The following CSMD1 variants were observed in gnomAD, a reference collection of about 807,000 sequenced individuals.
The protein encoded by CSMD1 is CUB and Sushi multiple domains 1, also known as CUB and sushi domain-containing protein 1.
A neutral mutation model predicts 417.5 loss-of-function variants in CSMD1; 213 were observed. The observed-to-expected ratio is 0.51, with a 90% CI of 0.46 to 0.57. The LOEUF is 0.57. CSMD1 is among the 20% of genes least tolerant of loss of function. The pLI is 0.00. For missense variants in CSMD1, 6,923 were observed against 4,529.7 expected (o/e 1.53, Z -15.17); for synonymous variants, 2,862 against 1,736.8 (o/e 1.65, Z -16.11).
intron 1 of CSMD1, among the ~76,000 whole-genome samples, chr8:4,743,429 C>A (rs1307474107): frequency 1.3e-5 from 2 of 152,050 alleles, no homozygotes; most frequent in East Asian, 3.9e-4. Context: ...AAAAAATGAA[C>A]GTGTGTCAAG....
intron 10 of CSMD1, among the ~76,000 whole-genome samples, chr8:3,496,664 A>G (rs1191194459): frequency 3.9e-5 from 6 of 152,072 alleles, no homozygotes; most frequent in African/African-American, 1.4e-4. Flanking sequence ...TGTCTCCACT[A>G]AAAATACAAA....
At chr8:3,330,560 A>G (rs1361696288) in intron 23 of CSMD1, among the ~76,000 whole-genome samples, 2 of 152,186 alleles carry the variant, frequency 1.3e-5, no homozygotes, top group African/African-American at 4.8e-5. Context: ...ACTCATGAAC[A>G]CAAAGAAGGG....
intron 1 of CSMD1, among the ~76,000 whole-genome samples, chr8:4,730,700 C>A (rs1314997234): frequency 6.6e-6 from 1 of 151,744 alleles, no homozygotes; most frequent in African/African-American, 2.4e-5. Context: ...GAGATCGTGC[C>A]ACTGCACTCC....
At chr8:3,896,031 G>A (rs899761710) in intron 5 of CSMD1, among the ~76,000 whole-genome samples, 1 of 152,184 alleles carries the variant, frequency 6.6e-6, no homozygotes, top group African/African-American at 2.4e-5. Flanking sequence ...AAAAAGAAAG[G>A]AAGAAATGAC....
At chr8:3,550,976 A>AAC (rs146913707) in intron 10 of CSMD1, among the ~76,000 whole-genome samples, 7,592 of 152,210 alleles carry the variant, frequency 0.05, 367 homozygotes, top group African/African-American at 0.12. Context: ...ACTTGAAGTG[A>AAC]ACAGTCAGAC....
intron 5 of CSMD1, among the ~76,000 whole-genome samples, chr8:3,977,065 T>G (rs886814285): frequency 1.3e-5 from 2 of 152,158 alleles, no homozygotes; most frequent in Non-Finnish European, 2.9e-5. Flanking sequence ...TTGAATTTCT[T>G]TTTCCATTTA....
At chr8:3,354,279 T>G (rs1243360479) in intron 21 of CSMD1, among the ~76,000 whole-genome samples, 1 of 152,202 alleles carries the variant, frequency 6.6e-6, no homozygotes, top group Non-Finnish European at 1.5e-5. Context: ...TTAACAGAGA[T>G]GTTTCTTAAC....
At chr8:3,590,182 ATATT>A (rs903375458) in intron 8 of CSMD1, among the ~76,000 whole-genome samples, 2 of 152,312 alleles carry the variant, frequency 1.3e-5, no homozygotes, top group African/African-American at 4.8e-5. Context: ...TGATCTATCT[ATATT>A]TATATCTAAA....
intron 5 of CSMD1, among the ~76,000 whole-genome samples, chr8:3,861,243 G>A (rs116389483): frequency 0.037 from 5,648 of 152,176 alleles, 105 homozygotes; most frequent in Middle Eastern, 0.068. Context: ...GGTTTCTAAC[G>A]GAGACCAACG....
At chr8:4,057,463 T>C (rs1442579826) in intron 3 of CSMD1, among the ~76,000 whole-genome samples, 3 of 152,172 alleles carry the variant, frequency 2.0e-5, no homozygotes, top group Non-Finnish European at 4.4e-5. Context: ...GTTGTGAAAA[T>C]TTTCACCCAT....
chr8:3,348,372 C>G (rs1300010599), intron 21 of CSMD1, among the ~76,000 whole-genome samples: 1 of 152,052 alleles, frequency 6.6e-6, no homozygotes, highest in Non-Finnish European at 1.5e-5. Context: ...TGAAAATTGT[C>G]TTATTAACAG....
intron 11 of CSMD1, among the ~76,000 whole-genome samples, chr8:3,488,893 T>A (rs1351451652): frequency 1.3e-5 from 2 of 152,136 alleles, no homozygotes; most frequent in East Asian, 1.9e-4. Context: ...TTATTTCTAT[T>A]TGGTTTGATT....
chr8:4,120,663 G>A (rs1050375505), intron 3 of CSMD1, among the ~76,000 whole-genome samples: 8 of 152,194 alleles, frequency 5.3e-5, no homozygotes, highest in African/African-American at 1.7e-4. Flanking sequence ...ACTTCATCAC[G>A]TGACTTTTAA....
At chr8:4,242,823 C>T (rs1802480573) in intron 3 of CSMD1, among the ~76,000 whole-genome samples, 1 of 152,158 alleles carries the variant, frequency 6.6e-6, no homozygotes, top group Admixed American at 6.5e-5. Flanking sequence ...TCACCAACGA[C>T]ATGTGACTAT....
At chr8:3,848,495 C>T (rs1195987536) in intron 5 of CSMD1, among the ~76,000 whole-genome samples, 3 of 151,936 alleles carry the variant, frequency 2.0e-5, no homozygotes, top group South Asian at 2.1e-4. Context: ...TGGATTTATA[C>T]TTTCCGATTT....
At chr8:3,885,168 G>T (rs1027628860) in intron 5 of CSMD1, among the ~76,000 whole-genome samples, 2 of 151,968 alleles carry the variant, frequency 1.3e-5, no homozygotes, top group East Asian at 1.9e-4. Flanking sequence ...TATCAGCGTT[G>T]AGTTTATTAA....
chr8:4,058,759 G>A (rs1275956100), intron 3 of CSMD1, among the ~76,000 whole-genome samples: 2 of 143,526 alleles, frequency 1.4e-5, no homozygotes, highest in Admixed American at 1.4e-4. Context: ...AAATATATAT[G>A]CACCCAATAC....
chr8:4,186,227 A>C (rs1219368223), intron 3 of CSMD1, among the ~76,000 whole-genome samples: 1 of 152,152 alleles, frequency 6.6e-6, no homozygotes, highest in Non-Finnish European at 1.5e-5. Flanking sequence ...AGGACGGCCA[A>C]ACTGTGTTGC....
At chr8:3,117,639 AG>A (rs1289694438) in intron 42 of CSMD1, among the ~76,000 whole-genome samples, 2 of 152,216 alleles carry the variant, frequency 1.3e-5, no homozygotes, top group African/African-American at 2.4e-5. Flanking sequence ...TATTTTAATT[AG>A]ATATTGAAAA....
Sources: allele counts gnomAD v4.1 joint callset (sites outside exome capture counted in the v4.1 genomes callset), GRCh38; gene constraint gnomAD v4.1.1; transcripts MANE v1.5; gene names NCBI Gene and HGNC (gene_info 2026-07-23, HGNC 2026-07-21).